NRG1: variants seen among roughly 807,000 people sequenced by gnomAD.
NRG1 encodes the protein pro-neuregulin-1, membrane-bound isoform.
A neutral mutation model predicts 63.8 loss-of-function variants in NRG1; 18 were observed. The ratio of observed to expected loss-of-function variants is 0.28; its 90% CI spans 0.19 to 0.42. NRG1 has a LOEUF of 0.42. NRG1 is among the 10% of genes least tolerant of loss of function. The pLI, the probability that NRG1 is intolerant of heterozygous loss-of-function variation, is 1.00. For synonymous variants in NRG1, 302 were observed against 301.3 expected (o/e 1.00, Z -0.02); for missense variants, 762 against 814.7 (o/e 0.94, Z 0.79).
chr8:31,737,081 T>C (rs573569650), intron 1 of NRG1, among the ~76,000 whole-genome samples: 1 of 152,276 alleles, frequency 6.6e-6, no homozygotes, highest in African/African-American at 2.4e-5. Flanking sequence ...CTCAGACTTC[T>C]AGGAAAGATA....
chr8:31,936,072 CA>C (rs1464842624), intron 1 of NRG1, among the ~76,000 whole-genome samples: 3 of 151,600 alleles, frequency 2.0e-5, no homozygotes, highest in Admixed American at 6.6e-5. Context: ...GTCACGGTCA[CA>C]AAAAAAGGGT....
rs536120165 is a variant in NRG1 at position 32,235,076 on chromosome 8, G to A, written c.38-360752G>A. On this transcript the variant is annotated intron_variant, in intron 1 of 10. Coordinates refer to the NRG1 transcript ENST00000519301. ...AGTCAGACAAAGAAGGATGAAACATGTTTTGGTCCTTAATAAAGAACTGCT... is the reference window on the plus strand; with the variant it reads ...AGTCAGACAAAGAAGGATGAAACATATTTTGGTCCTTAATAAAGAACTGCT... Among the ~76,000 whole-genome samples the A allele has an allele frequency of 2.5e-4, 38 of 152,046 alleles. No individual in the cohort carries two copies. The South Asian group carries it at 7.9e-3, about 32-fold the overall frequency.
At chr8:31,971,646 A>G (rs553401292) in intron 1 of NRG1, among the ~76,000 whole-genome samples, 1 of 152,318 alleles carries the variant, frequency 6.6e-6, no homozygotes, top group South Asian at 2.1e-4. Context: ...TTATTATCTT[A>G]TCATTGAGAT....
At chr8:32,521,809 C>T (rs1362618757) in intron 1 of NRG1, among the ~76,000 whole-genome samples, 1 of 152,122 alleles carries the variant, frequency 6.6e-6, no homozygotes, top group Non-Finnish European at 1.5e-5. Context: ...CTTTTACTCC[C>T]TCAGTTAAAA....
intron 8 of NRG1, 24 bp from the exon 9 acceptor site, chr8:32,756,379 A>G: frequency 6.2e-7 from 1 of 1,600,022 alleles, no homozygotes; most frequent in South Asian, 1.1e-5. Context: ...AAAAAAAAAT[A>G]AATGCTCCCT....
chr8:32,589,888 G>A (rs192561095), intron 1 of NRG1, among the ~76,000 whole-genome samples: 230 of 152,202 alleles, frequency 1.5e-3, no homozygotes, highest in Non-Finnish European at 1.9e-3. Flanking sequence ...TAAATTATTA[G>A]AATAAATGAA....
At chr8:31,771,359 G>A (rs528620583) in intron 1 of NRG1, among the ~76,000 whole-genome samples, 5 of 152,292 alleles carry the variant, frequency 3.3e-5, no homozygotes, top group African/African-American at 1.2e-4. Flanking sequence ...AACACAGATT[G>A]TGTATCCATT....
At chr8:32,491,198 A>G (rs1003935183) in intron 1 of NRG1, among the ~76,000 whole-genome samples, 16 of 152,328 alleles carry the variant, frequency 1.1e-4, no homozygotes, top group African/African-American at 3.8e-4. Context: ...ATTTGATATC[A>G]GCACAATTAT....
chr8:32,436,344 C>A (rs956933667), intron 1 of NRG1, among the ~76,000 whole-genome samples: 2 of 152,174 alleles, frequency 1.3e-5, no homozygotes, highest in African/African-American at 4.8e-5. Flanking sequence ...AGCTACAATT[C>A]AAGATGAGAT....
intron 1 of NRG1, among the ~76,000 whole-genome samples, chr8:31,705,967 T>C (rs1811110036): frequency 6.6e-6 from 1 of 152,238 alleles, no homozygotes; most frequent in Admixed American, 6.5e-5. Flanking sequence ...CACGTACGTC[T>C]TAGAGGCTAA....
intron 1 of NRG1, among the ~76,000 whole-genome samples, chr8:31,795,476 A>G (rs996568317): frequency 2.6e-5 from 4 of 152,270 alleles, no homozygotes; most frequent in East Asian, 1.9e-4. Context: ...TTTAGAGAGC[A>G]TGTCTTCCGG....
chr8:32,267,795 C>A (rs1392949040), intron 1 of NRG1, among the ~76,000 whole-genome samples: 2 of 152,088 alleles, frequency 1.3e-5, no homozygotes, highest in African/African-American at 4.8e-5. Flanking sequence ...TTATGTTATA[C>A]CTGTATTTAT....
chr8:32,648,749 A>G (rs898198857), intron 5 of NRG1, among the ~76,000 whole-genome samples: 3 of 152,194 alleles, frequency 2.0e-5, no homozygotes, highest in African/African-American at 7.2e-5. Context: ...TGTGACTTTC[A>G]TATACCAGTG....
chr8:32,011,792 G>T (rs1026569801), intron 1 of NRG1, among the ~76,000 whole-genome samples: 2 of 152,024 alleles, frequency 1.3e-5, no homozygotes, highest in African/African-American at 4.8e-5. Flanking sequence ...TTTACCTGGA[G>T]GCTTCTGAGT....
chr8:31,748,278 A>G (rs1816096146), intron 1 of NRG1, among the ~76,000 whole-genome samples: 1 of 151,962 alleles, frequency 6.6e-6, no homozygotes, highest in African/African-American at 2.4e-5. Context: ...TATTATAAAC[A>G]TTCTAAACAC....
At chr8:31,790,727 G>T (rs1820616574) in intron 1 of NRG1, among the ~76,000 whole-genome samples, 1 of 152,140 alleles carries the variant, frequency 6.6e-6, no homozygotes, top group African/African-American at 2.4e-5. Context: ...ACTGCTTAAA[G>T]TTGCAAATAT....
chr8:32,713,619 A>C (rs1818369691), intron 5 of NRG1, among the ~76,000 whole-genome samples: 1 of 150,306 alleles, frequency 6.7e-6, no homozygotes, highest in Non-Finnish European at 1.5e-5. Flanking sequence ...TTTAAAAAAA[A>C]AAAAATGTGT....
chr8:32,444,398 C>T (rs2129487656), intron 1 of NRG1, among the ~76,000 whole-genome samples: 1 of 152,272 alleles, frequency 6.6e-6, no homozygotes, highest in Non-Finnish European at 1.5e-5. Context: ...CTGCAACCTC[C>T]CAAAATGCTG....
At chr8:32,122,878 G>T (rs1833646853) in intron 1 of NRG1, among the ~76,000 whole-genome samples, 1 of 151,436 alleles carries the variant, frequency 6.6e-6, no homozygotes, top group East Asian at 2.0e-4. Context: ...CACGGTGTTT[G>T]GTTTTTTGTC....
Sources: gnomAD v4.1 joint callset for allele counts (sites outside exome capture counted in the v4.1 genomes callset) on GRCh38, gnomAD v4.1.1 for gene constraint, MANE v1.5 for transcripts, NCBI Gene and HGNC (gene_info 2026-07-23, HGNC 2026-07-21) for gene names.